SEMA4D: variants seen among roughly 807,000 people sequenced by gnomAD.
SEMA4D encodes the protein semaphorin 4D.
In SEMA4D, 22 loss-of-function variants were observed where a neutral mutation model predicts 74.8. The observed-to-expected ratio is 0.29, with a 90% CI of 0.21 to 0.42. SEMA4D has a LOEUF of 0.42. SEMA4D is among the 10% of genes least tolerant of loss of function. The pLI is 1.00. For synonymous variants in SEMA4D, 445 were observed against 463.7 expected (o/e 0.96, Z 0.52); for missense variants, 937 against 1,118.4 (o/e 0.84, Z 2.31).
chr9:89,363,523 C>A, exon 18 of SEMA4D: 1 of 1,614,042 alleles, frequency 6.2e-7, no homozygotes, highest in Non-Finnish European at 8.5e-7. Context: ...CCTGGTGGGT[C>A]ACTTCTGGAA....
chr9:89,411,897 C>T (rs1844609218), intron 2 of SEMA4D, among the ~76,000 whole-genome samples: 1 of 152,236 alleles, frequency 6.6e-6, no homozygotes, highest in Admixed American at 6.5e-5. Flanking sequence ...ATGCAGAATG[C>T]CAGCACCTAA....
rs1554782349 is a variant in SEMA4D, at chr9:89,462,954, G to GCGAGGGGAGGGGAGCGAGCGAGGGGA, written c.-309-7002_-309-7001insTCCCCTCGCTCGCTCCCCTCCCCTCG. On this transcript the variant is annotated intron_variant, in intron 1 of 15. Transcript: ENST00000422704. ...CAAGACTGTGCTGGAAAGAAAGGAG[G>GCGAGGGGAGGGGAGCGAGCGAGGGGA]GGGGAGCGAGCGAGGGGAGGGGAGC... Among the ~76,000 whole-genome samples the GCGAGGGGAGGGGAGCGAGCGAGGGGA allele has an allele frequency of 8.4e-4, 8 of 9,514 alleles. 4 individuals are homozygous for GCGAGGGGAGGGGAGCGAGCGAGGGGA. Among genetic ancestry groups the GCGAGGGGAGGGGAGCGAGCGAGGGGA allele is most frequent in the African/African-American group, 1.1e-3 (2 of 1,810 alleles). The allele number at this position is 9,514 out of a possible 152,430, so 6.2% of individuals were successfully genotyped here. A position where few individuals can be genotyped will look rare whatever the true frequency, so the allele number is the denominator to read the frequency against.
intron 6 of SEMA4D, 95 bp downstream of exon 6, chr9:89,396,642 A>T: frequency 9.2e-6 from 9 of 981,456 alleles, no homozygotes; most frequent in Admixed American, 7.9e-5. Flanking sequence ...ATTTTTTTTT[A>T]GGGTGGAGAC....
chr9:89,408,001 C>A (rs1843678247), intron 2 of SEMA4D, among the ~76,000 whole-genome samples: 1 of 152,240 alleles, frequency 6.6e-6, no homozygotes, highest in Non-Finnish European at 1.5e-5. Flanking sequence ...ATGGTTTCTA[C>A]ATAGGCTCCC....
chr9:89,426,007 C>T (rs1422701761), intron 2 of SEMA4D, among the ~76,000 whole-genome samples: 2 of 152,268 alleles, frequency 1.3e-5, no homozygotes, highest in Non-Finnish European at 2.9e-5. Flanking sequence ...CCATCCAGAA[C>T]CCTGAACTGG....
intron 2 of SEMA4D, among the ~76,000 whole-genome samples, chr9:89,444,020 C>T (rs1852261592): frequency 6.6e-6 from 1 of 152,212 alleles, no homozygotes; most frequent in Non-Finnish European, 1.5e-5. Flanking sequence ...TCAGGGCACT[C>T]ATGCCCAAAG....
chr9:89,439,505 A>G (rs553339018), intron 2 of SEMA4D, among the ~76,000 whole-genome samples: 10 of 152,228 alleles, frequency 6.6e-5, no homozygotes, highest in Non-Finnish European at 1.5e-4. Flanking sequence ...TATTAAGAGA[A>G]ACACTCAAAC....
intron 9 of SEMA4D, among the ~76,000 whole-genome samples, chr9:89,389,783 T>C (rs187760255): frequency 6.6e-6 from 1 of 152,356 alleles, no homozygotes; most frequent in Non-Finnish European, 1.5e-5. Context: ...TGCTGTGTGA[T>C]TACAGGAGCC....
intron 2 of SEMA4D, among the ~76,000 whole-genome samples, chr9:89,422,588 C>T (rs1441190578): frequency 3.3e-5 from 5 of 152,226 alleles, no homozygotes; most frequent in Admixed American, 2.0e-4. Flanking sequence ...ATCCCCGTGC[C>T]GTTTATTACG....
exon 18 of SEMA4D, chr9:89,363,446 C>G: frequency 6.2e-7 from 1 of 1,613,770 alleles, no homozygotes; most frequent in Non-Finnish European, 8.5e-7. Context: ...CTTCCTCCAG[C>G]TCTGCATCAT....
intron 2 of SEMA4D, chr9:89,436,339 T>C (rs546724910): frequency 1.3e-5 from 2 of 152,318 alleles, no homozygotes; most frequent in African/African-American, 4.8e-5. Flanking sequence ...GGGGCCATGC[T>C]CCTGACCCCA....
intron 13 of SEMA4D, chr9:89,385,866 G>GGGGGGGGGCCCCCCCCC: frequency 5.1e-6 from 1 of 196,224 alleles, no homozygotes; most frequent in Non-Finnish European, 9.0e-6. Context: ...CAGCGTGGAT[G>GGGGGGGGGCCCCCCCCC]CCCGCCCACC....
chr9:89,471,449 A>G (rs1860196995), intron 1 of SEMA4D, among the ~76,000 whole-genome samples: 1 of 152,230 alleles, frequency 6.6e-6, no homozygotes, highest in Admixed American at 6.5e-5. Context: ...TAAAACAATA[A>G]AAGAAGTTCA....
At chr9:89,458,197 AAC>A (rs1370799112) in intron 1 of SEMA4D, among the ~76,000 whole-genome samples, 1 of 152,188 alleles carries the variant, frequency 6.6e-6, no homozygotes, top group Non-Finnish European at 1.5e-5. Flanking sequence ...CTGCGCAGGA[AAC>A]ACAGGCTTTT....
intron 2 of SEMA4D, among the ~76,000 whole-genome samples, chr9:89,443,707 C>T (rs1169368152): frequency 2.0e-5 from 3 of 152,342 alleles, no homozygotes; most frequent in African/African-American, 4.8e-5. Context: ...TATGGGCTGG[C>T]ACCTGAAACT....
intron 1 of SEMA4D, among the ~76,000 whole-genome samples, chr9:89,471,323 T>A (rs919864268): frequency 6.6e-6 from 1 of 152,242 alleles, no homozygotes; most frequent in Non-Finnish European, 1.5e-5. Flanking sequence ...TTAATGCCAC[T>A]AAACTATACC....
chr9:89,365,541 T>TA (rs1260367205), intron 16 of SEMA4D: 1 of 152,250 alleles, frequency 6.6e-6, no homozygotes, highest in Non-Finnish European at 1.5e-5. Flanking sequence ...CTTTAGAAGT[T>TA]AGATTTGCCC....
intron 1 of SEMA4D, among the ~76,000 whole-genome samples, chr9:89,470,341 C>T (rs1248401074): frequency 6.6e-6 from 1 of 152,186 alleles, no homozygotes; most frequent in Non-Finnish European, 1.5e-5. Context: ...ACAGATACTT[C>T]ACCAAAGAGG....
chr9:89,413,386 G>A (rs889183276), intron 2 of SEMA4D, among the ~76,000 whole-genome samples: 7 of 152,222 alleles, frequency 4.6e-5, no homozygotes, highest in African/African-American at 1.4e-4. Context: ...GAGAAAATGG[G>A]AGTACCCAGC....
Sources: gnomAD v4.1 joint callset for allele counts (sites outside exome capture counted in the v4.1 genomes callset) on GRCh38, gnomAD v4.1.1 for gene constraint, MANE v1.5 for transcripts, NCBI Gene and HGNC (gene_info 2026-07-23, HGNC 2026-07-21) for gene names.